The following FAM13C variants were observed in gnomAD, a reference collection of about 807,000 sequenced individuals.
FAM13C encodes the protein protein FAM13C.
Under a neutral mutation model 73.2 loss-of-function variants are expected in FAM13C, and 37 were observed. That is an observed-to-expected ratio of 0.51 (90% CI 0.39 to 0.67). The LOEUF (loss-of-function observed/expected upper bound fraction) is 0.67. Among genes scored for constraint, FAM13C ranks in the 30% least tolerant of loss-of-function variants. FAM13C has a pLI of 0.00. For missense variants in FAM13C, 589 were observed against 715.6 expected (o/e 0.82, Z 2.02); for synonymous variants, 246 against 260.9 (o/e 0.94, Z 0.55).
At chr10:59,311,071 G>A (rs766698893) in intron 4 of FAM13C, among the ~76,000 whole-genome samples, 1 of 152,172 alleles carries the variant, frequency 6.6e-6, no homozygotes, top group Non-Finnish European at 1.5e-5. Context: ...TTCCCAAAGA[G>A]AGAAAGGCTG....
intron 8 of FAM13C, among the ~76,000 whole-genome samples, chr10:59,266,073 G>T (rs1322408400): frequency 6.6e-6 from 1 of 152,186 alleles, no homozygotes; most frequent in African/African-American, 2.4e-5. Context: ...GTTATAAAAA[G>T]ACCTCAGTTG....
chr10:59,341,587 G>A (rs1853525976), intron 3 of FAM13C, among the ~76,000 whole-genome samples: 1 of 152,164 alleles, frequency 6.6e-6, no homozygotes, highest in Non-Finnish European at 1.5e-5. Context: ...TACTCAGGAG[G>A]CTGAGGCAGG....
chr10:59,354,322 C>A (rs1467571081), intron 2 of FAM13C, among the ~76,000 whole-genome samples: 1 of 152,082 alleles, frequency 6.6e-6, no homozygotes, highest in Non-Finnish European at 1.5e-5. Flanking sequence ...AAACGTAAAA[C>A]CTGGTTACAA....
chr10:59,361,256 A>G (rs1856377536), intron 1 of FAM13C: 2 of 401,618 alleles, frequency 5.0e-6, no homozygotes, highest in Non-Finnish European at 9.0e-6. Context: ...TCAAAACTGG[A>G]CACTAAAGGA....
At position 59,280,403 on chromosome 10, in the gene FAM13C, T is replaced by C. The variant is rs2133661575; in HGVS notation, c.592+2960A>G. Among the ~76,000 whole-genome samples the C allele has an allele frequency of 1.3e-5, 2 of 152,274 alleles. 1 individual carries two copies. The highest frequency in any genetic ancestry group is 6.8e-3 in the Middle Eastern group (2 of 292). On this transcript the variant is annotated intron_variant, in intron 6 of 13. Transcript: ENST00000618804. ...TTGGACTTTCTCCTCCTGAAATAAG[T>C]AAGCAGATGGAGCCAACTGGCCACA...
At chr10:59,275,841 A>T (rs1451659071) in intron 6 of FAM13C, among the ~76,000 whole-genome samples, 1 of 152,208 alleles carries the variant, frequency 6.6e-6, no homozygotes, top group Non-Finnish European at 1.5e-5. Flanking sequence ...GTAAAAAGTA[A>T]ATTAAAAAAA....
In FAM13C at chr10:59,247,811, C is replaced by T. The variant is rs1840859051; in HGVS notation, c.1635-74G>A. ...TTTAAACATTCTTTTATAATTCATA[C>T]ATGAGAAAGTATACTGTAACGGCCT... On this transcript the variant is annotated intron_variant, in intron 13 of 13. Transcript: ENST00000618804. 2.0e-6 allele frequency: 3 copies of T among 1,477,580 alleles called. No homozygotes were observed. The South Asian group carries it at 3.8e-5, about 18-fold the overall frequency. 91.5% of individuals were successfully genotyped at this position (1,477,580 alleles called of 1,614,324 possible).
At position 59,246,856 on chromosome 10, in the gene FAM13C, GAC is replaced by G; in HGVS notation, c.*756_*757del. ...TGGACACATTAGATTATATACTACA[GAC>G]ACATATCTATCCAAAATACCTATTT... On this transcript the variant is annotated 3_prime_UTR_variant, in exon 14 of 14. Transcript: ENST00000618804. The G allele has an allele frequency of 2.6e-6, 1 of 379,250 alleles. No individual in the cohort carries two copies. Among genetic ancestry groups the G allele is most frequent in the Non-Finnish European group, 4.7e-6 (1 of 214,168 alleles). The allele number at this position is 379,250 out of a possible 1,614,324, so 23.5% of individuals were successfully genotyped here.
chr10:59,297,001 C>G (rs1000722193), intron 5 of FAM13C: 1 of 152,188 alleles, frequency 6.6e-6, no homozygotes, highest in Non-Finnish European at 1.5e-5. Flanking sequence ...AATAGAGTTA[C>G]AGTAATATTC....
intron 6 of FAM13C, among the ~76,000 whole-genome samples, chr10:59,271,756 T>G (rs908083427): frequency 1.3e-5 from 2 of 152,214 alleles, no homozygotes; most frequent in Non-Finnish European, 2.9e-5. Flanking sequence ...ATCCTTTTCT[T>G]AAACCACTAG....
intron 5 of FAM13C, among the ~76,000 whole-genome samples, chr10:59,290,883 T>A (rs972554836): frequency 6.6e-6 from 1 of 152,182 alleles, no homozygotes; most frequent in Non-Finnish European, 1.5e-5. Context: ...CAGGGGTCTC[T>A]GAGTATCCAA....
At chr10:59,255,493 C>T (rs1227771859) in intron 10 of FAM13C, among the ~76,000 whole-genome samples, 1 of 152,032 alleles carries the variant, frequency 6.6e-6, no homozygotes, top group Non-Finnish European at 1.5e-5. Flanking sequence ...TTGGTTTTTT[C>T]CTGCTTTGTA....
At chr10:59,361,362 T>C (rs1183830116) in intron 1 of FAM13C, among the ~76,000 whole-genome samples, 2 of 152,208 alleles carry the variant, frequency 1.3e-5, no homozygotes, top group Non-Finnish European at 1.5e-5. Context: ...GTCATTGTGA[T>C]AGTGGCAGGA....
intron 3 of FAM13C, among the ~76,000 whole-genome samples, chr10:59,324,800 G>T (rs1242967027): frequency 6.6e-6 from 1 of 151,876 alleles, no homozygotes; most frequent in Non-Finnish European, 1.5e-5. Context: ...TGGCCACATT[G>T]CATCTAAAGA....
intron 5 of FAM13C, among the ~76,000 whole-genome samples, chr10:59,295,877 G>A (rs374174297): frequency 6.6e-6 from 1 of 152,172 alleles, no homozygotes; most frequent in South Asian, 2.1e-4. Context: ...CATGCATAGA[G>A]CCTATCCTGA....
At chr10:59,341,618 G>A (rs1334035848) in intron 3 of FAM13C, among the ~76,000 whole-genome samples, 1 of 152,154 alleles carries the variant, frequency 6.6e-6, no homozygotes, top group Admixed American at 6.5e-5. Flanking sequence ...GAACCCGGAA[G>A]GTGGAGGTTG....
intron 4 of FAM13C, among the ~76,000 whole-genome samples, chr10:59,319,389 A>T (rs1371012210): frequency 6.6e-6 from 1 of 152,136 alleles, no homozygotes; most frequent in Middle Eastern, 3.2e-3. Context: ...CTATAGAATA[A>T]CTCCTGTTTA....
chr10:59,323,551 C>T (rs1423173203), intron 4 of FAM13C: 1 of 191,064 alleles, frequency 5.2e-6, no homozygotes, highest in East Asian at 1.6e-4. Context: ...ATGTTTCAGA[C>T]TATGAGTACA....
At chr10:59,354,909 A>G (rs576551199) in intron 2 of FAM13C, among the ~76,000 whole-genome samples, 1 of 151,898 alleles carries the variant, frequency 6.6e-6, no homozygotes, top group South Asian at 2.1e-4. Context: ...TGCAACTCAA[A>G]CAATTCTCTC....
Sources: gnomAD v4.1 joint callset for allele counts (sites outside exome capture counted in the v4.1 genomes callset) on GRCh38, gnomAD v4.1.1 for gene constraint, MANE v1.5 for transcripts, NCBI Gene and HGNC (gene_info 2026-07-23, HGNC 2026-07-21) for gene names.